IL7: variants seen among roughly 807,000 people sequenced by gnomAD.
IL7 encodes interleukin-7.
A neutral mutation model predicts 21.6 loss-of-function variants in IL7; 3 were observed. That is an observed-to-expected ratio of 0.14 (90% CI 0.06 to 0.36). IL7 has a LOEUF of 0.36. Among genes scored for constraint, IL7 ranks in the 10% least tolerant of loss-of-function variants. IL7 has a pLI of 1.00. For synonymous variants in IL7, 62 were observed against 68.1 expected (o/e 0.91, Z 0.44); for missense variants, 175 against 200.2 (o/e 0.87, Z 0.76).
At chr8:78,795,392 C>T (rs1000993027) in intron 2 of IL7, among the ~76,000 whole-genome samples, 1 of 152,092 alleles carries the variant, frequency 6.6e-6, no homozygotes, top group Non-Finnish European at 1.5e-5. Flanking sequence ...TATGGAACTA[C>T]TCAGTTGGAC....
At chr8:78,734,130 G>GT (rs1286152159) in intron 5 of IL7, among the ~76,000 whole-genome samples, 2 of 152,186 alleles carry the variant, frequency 1.3e-5, no homozygotes, top group Non-Finnish European at 2.9e-5. Context: ...CATGAGAAAG[G>GT]TAATTGTAGG....
At chr8:78,724,356 ATATCTAC>A (rs1376263719) in intron 3 of IL7, among the ~76,000 whole-genome samples, 3 of 152,060 alleles carry the variant, frequency 2.0e-5, no homozygotes, top group African/African-American at 7.2e-5. Flanking sequence ...ACATTTCTGT[ATATCTAC>A]ATATGTATGA....
intron 1 of IL7, among the ~76,000 whole-genome samples, chr8:78,798,599 T>C (rs1813944488): frequency 6.6e-6 from 1 of 152,056 alleles, no homozygotes; most frequent in African/African-American, 2.4e-5. Flanking sequence ...AATTTTATGA[T>C]GTACTGCACG....
downstream of IL7, among the ~76,000 whole-genome samples, chr8:78,731,106 C>A (rs764212029): frequency 2.0e-5 from 3 of 151,944 alleles, no homozygotes; most frequent in Non-Finnish European, 4.4e-5. Flanking sequence ...GTAGGGTTAA[C>A]AAAATGTCCT....
At chr8:78,686,734 T>G in intron 3 of IL7, 1 of 1,081,774 alleles carries the variant, frequency 9.2e-7, no homozygotes, top group Non-Finnish European at 1.2e-6. Flanking sequence ...TCTTTAAAAT[T>G]TGGTGTAAAA....
chr8:78,800,859 A>C (rs1015353147), intron 1 of IL7, among the ~76,000 whole-genome samples: 8 of 152,226 alleles, frequency 5.3e-5, no homozygotes, highest in Admixed American at 5.2e-4. Flanking sequence ...AGTGAAAGGG[A>C]TACTTTTACC....
At chr8:78,785,293 T>A (rs1403433271) in intron 2 of IL7, among the ~76,000 whole-genome samples, 2 of 152,204 alleles carry the variant, frequency 1.3e-5, no homozygotes, top group Non-Finnish European at 1.5e-5. Context: ...CGATGAATTT[T>A]CTTTGGTAGG....
At chr8:78,731,755 T>C (rs994717088), downstream of IL7, among the ~76,000 whole-genome samples, 14 of 152,146 alleles carry the variant, frequency 9.2e-5, no homozygotes, top group Admixed American at 2.6e-4. Flanking sequence ...ACCATAAGTG[T>C]GTGGGTAATT....
At position 78,733,055 on chromosome 8, in the gene IL7, G is replaced by T. The variant is rs1272496281; in HGVS notation, c.*658C>A. 6.6e-6 allele frequency: 1 copy of T among 151,556 alleles called. No individual in the cohort carries two copies. Among genetic ancestry groups the T allele is most frequent in the Non-Finnish European group, 1.5e-5 (1 of 67,826 alleles). 9.4% of individuals were successfully genotyped at this position (151,556 alleles called of 1,614,324 possible). A position where few individuals can be genotyped will look rare whatever the true frequency, so the allele number is the denominator to read the frequency against. ...TATTTTTATTTTATTTTATTTTTTTGAAATTGTCCTTTTTTCATGTCAAAA... is the reference window on the plus strand; with the variant it reads ...TATTTTTATTTTATTTTATTTTTTTTAAATTGTCCTTTTTTCATGTCAAAA... On this transcript the variant is annotated 3_prime_UTR_variant, in exon 6 of 6. Transcript: ENST00000263851.
At chr8:78,772,503 C>T (rs140431888) in intron 2 of IL7, among the ~76,000 whole-genome samples, 6 of 152,094 alleles carry the variant, frequency 3.9e-5, no homozygotes, top group Admixed American at 1.3e-4. Context: ...TTTTGACTTG[C>T]GTTATGAATA....
chr8:78,707,100 CAT>C (rs1810798107), intron 3 of IL7, among the ~76,000 whole-genome samples: 1 of 152,156 alleles, frequency 6.6e-6, no homozygotes, highest in East Asian at 1.9e-4. Flanking sequence ...GAAGTATAGA[CAT>C]AGCAATATGT....
At chr8:78,692,827 A>G (rs1186794082) in intron 3 of IL7, among the ~76,000 whole-genome samples, 1 of 152,000 alleles carries the variant, frequency 6.6e-6, no homozygotes, top group Non-Finnish European at 1.5e-5. Context: ...GGTGTGCTGC[A>G]CCCATTAACT....
intron 3 of IL7, chr8:78,689,077 C>A: frequency 7.8e-6 from 3 of 384,264 alleles, no homozygotes; most frequent in Non-Finnish European, 8.4e-6. Context: ...ACAAGTAAAA[C>A]TGGGTAGTTA....
chr8:78,726,798 G>A (rs138032719), intron 3 of IL7, among the ~76,000 whole-genome samples: 104 of 152,028 alleles, frequency 6.8e-4, no homozygotes, highest in South Asian at 1.5e-3. Context: ...TAGAAATAAA[G>A]GCGTGTTTGT....
intron 2 of IL7, among the ~76,000 whole-genome samples, chr8:78,788,704 G>A (rs796646687): frequency 3.5e-4 from 54 of 152,250 alleles, no homozygotes; most frequent in African/African-American, 1.3e-3. Flanking sequence ...TTATGCTGTT[G>A]TTTGATGAAG....
At chr8:78,741,371 C>T (rs1433763981) in intron 2 of IL7, among the ~76,000 whole-genome samples, 1 of 152,114 alleles carries the variant, frequency 6.6e-6, no homozygotes, top group Non-Finnish European at 1.5e-5. Flanking sequence ...ATGTTGACTT[C>T]CCCATACCCC....
At chr8:78,786,071 A>C (rs1377366477) in intron 2 of IL7, among the ~76,000 whole-genome samples, 1 of 152,226 alleles carries the variant, frequency 6.6e-6, no homozygotes, top group Non-Finnish European at 1.5e-5. Context: ...CCTCATGTAC[A>C]TTGTGATACT....
chr8:78,701,816 A>G (rs1810615057), intron 3 of IL7, among the ~76,000 whole-genome samples: 1 of 152,176 alleles, frequency 6.6e-6, no homozygotes, highest in Non-Finnish European at 1.5e-5. Context: ...TGCGGAGTCA[A>G]CCTTGCATCC....
At chr8:78,685,407 C>T (rs1302717397) in intron 4 of IL7, among the ~76,000 whole-genome samples, 1 of 152,120 alleles carries the variant, frequency 6.6e-6, no homozygotes, top group Admixed American at 6.5e-5. Context: ...TGTGAGGTTG[C>T]ACCTGGCTAA....
Sources: gnomAD v4.1 joint callset for allele counts (sites outside exome capture counted in the v4.1 genomes callset) on GRCh38, gnomAD v4.1.1 for gene constraint, MANE v1.5 for transcripts, NCBI Gene and HGNC (gene_info 2026-07-23, HGNC 2026-07-21) for gene names.